IL1RAPL1: variants seen among roughly 807,000 people sequenced by gnomAD.
The protein encoded by IL1RAPL1 is interleukin 1 receptor accessory protein like 1.
Under a neutral mutation model 48.4 loss-of-function variants are expected in IL1RAPL1, and 3 were observed. That is an observed-to-expected ratio of 0.06 (90% confidence interval 0.03 to 0.16). The LOEUF (loss-of-function observed/expected upper bound fraction) is 0.16. IL1RAPL1 is among the 10% of genes least tolerant of loss of function. The pLI is 1.00. For missense variants in IL1RAPL1, 349 were observed against 530.6 expected (o/e 0.66, Z 3.36); for synonymous variants, 185 against 187.7 (o/e 0.99, Z 0.12).
chrX:29,200,600 A>G lies in IL1RAPL1; in HGVS notation c.83-82338A>G, dbSNP rs368965890. ...TACTCCATTTTTTCCCAATAAAATA[A>G]TGTTTTATCATAAATTCAGCATGTG... On this transcript the variant is annotated intron_variant, in intron 2 of 10. Coordinates refer to ENST00000378993, the MANE Select transcript of IL1RAPL1 (RefSeq NM_014271.4). Among the ~76,000 whole-genome samples the G allele has an allele frequency of 2.7e-5, 3 of 111,509 alleles. No homozygotes were observed. The East Asian group carries it at 8.4e-4, about 31-fold the overall frequency.
At chrX:29,792,751 C>T (rs1393315147) in intron 6 of IL1RAPL1, among the ~76,000 whole-genome samples, 1 of 110,506 alleles carries the variant, frequency 9.0e-6, no homozygotes, top group African/African-American at 3.3e-5. Flanking sequence ...TTTAAACATC[C>T]CATTTAATCA....
chrX:28,922,657 A>G (rs1255981078), intron 2 of IL1RAPL1, among the ~76,000 whole-genome samples: 1 of 111,964 alleles, frequency 8.9e-6, no homozygotes, highest in African/African-American at 3.2e-5. Flanking sequence ...GCACCCTAAA[A>G]TTTCAGTAGC....
intron 6 of IL1RAPL1, among the ~76,000 whole-genome samples, chrX:29,717,140 G>C (rs908690445): frequency 3.7e-5 from 4 of 108,935 alleles, no homozygotes; most frequent in African/African-American, 1.3e-4. Context: ...CATACCTACT[G>C]AGAATAAATG....
At chrX:29,003,854 G>T (rs147829092) in intron 2 of IL1RAPL1, among the ~76,000 whole-genome samples, 2,023 of 112,280 alleles carry the variant, frequency 0.018, 42 homozygotes, top group African/African-American at 0.063. Context: ...AGAAATAGTT[G>T]ATTTAGGCTG....
At chrX:29,123,698 T>A (rs1371534016) in intron 2 of IL1RAPL1, among the ~76,000 whole-genome samples, 1 of 111,276 alleles carries the variant, frequency 9.0e-6, no homozygotes, top group Admixed American at 9.6e-5. Context: ...TATTTAAAAA[T>A]TTTTTGAGAT....
intron 5 of IL1RAPL1, among the ~76,000 whole-genome samples, chrX:29,634,182 T>A (rs1334217539): frequency 8.9e-6 from 1 of 111,864 alleles, no homozygotes; most frequent in Non-Finnish European, 1.9e-5. Context: ...ACTCAGGCAG[T>A]CTCAGGATCT....
intron 3 of IL1RAPL1, among the ~76,000 whole-genome samples, chrX:29,322,097 T>C (rs899673862): frequency 9.0e-6 from 1 of 111,426 alleles, no homozygotes; most frequent in Non-Finnish European, 1.9e-5. Context: ...GCCAAGTTCA[T>C]GGAGTTGCTT....
intron 2 of IL1RAPL1, among the ~76,000 whole-genome samples, chrX:28,988,314 C>T (rs965425789): frequency 8.9e-6 from 1 of 111,857 alleles, no homozygotes; most frequent in Non-Finnish European, 1.9e-5. Flanking sequence ...ATTCATCCTC[C>T]ATTCATTTGT....
At chrX:28,795,917 A>G (rs762474215) in intron 2 of IL1RAPL1, among the ~76,000 whole-genome samples, 27 of 111,403 alleles carry the variant, frequency 2.4e-4, no homozygotes, top group Non-Finnish European at 5.1e-4. Context: ...TGATAAAGAC[A>G]TACCTGAGAC....
intron 1 of IL1RAPL1, among the ~76,000 whole-genome samples, chrX:28,658,536 CT>C (rs763460152): frequency 3.1e-3 from 319 of 101,543 alleles, no homozygotes; most frequent in Middle Eastern, 5.0e-3. Context: ...TAGTTTTTGT[CT>C]TTTTTTTTTT....
chrX:29,771,634 A>G (rs1015035118), intron 6 of IL1RAPL1, among the ~76,000 whole-genome samples: 1 of 111,857 alleles, frequency 8.9e-6, no homozygotes, highest in Non-Finnish European at 1.9e-5. Flanking sequence ...TCTACCATCA[A>G]TTCCCACTAT....
chrX:29,603,248 A>G (rs1046246393), intron 5 of IL1RAPL1, among the ~76,000 whole-genome samples: 3 of 101,337 alleles, frequency 3.0e-5, no homozygotes, highest in African/African-American at 1.1e-4. Flanking sequence ...CCTGGGTGAC[A>G]AAGTGAGACT....
At chrX:29,108,548 T>C (rs753092554) in intron 2 of IL1RAPL1, among the ~76,000 whole-genome samples, 4 of 110,035 alleles carry the variant, frequency 3.6e-5, no homozygotes, top group Non-Finnish European at 5.7e-5. Context: ...ATTACAGGCA[T>C]GCGCCACCAT....
chrX:29,584,742 A>G (rs1923099969), intron 5 of IL1RAPL1, among the ~76,000 whole-genome samples: 1 of 111,064 alleles, frequency 9.0e-6, no homozygotes, highest in Non-Finnish European at 1.9e-5. Context: ...TTTTGTTGAG[A>G]TGGGGTCTCA....
rs1289164138 is a variant in IL1RAPL1, at chrX:29,669,214, A to G, written c.778+710A>G. On this transcript the variant is annotated intron_variant, in intron 6 of 10. Transcript: ENST00000378993. Reference sequence around the variant, plus strand: ...TAAATATATACATAGCAATTCTGTTATATTCTCTTAGGTCTTATTTTATTT... The same window carrying G: ...TAAATATATACATAGCAATTCTGTTGTATTCTCTTAGGTCTTATTTTATTT... Among the ~76,000 whole-genome samples, 7 of 111,738 alleles carry G rather than the reference A, an allele frequency of 6.3e-5. No individual in the cohort carries two copies. In the Admixed American group the frequency reaches 6.7e-4, roughly 11 times the overall value.
chrX:29,034,523 G>A (rs1035655431), intron 2 of IL1RAPL1, among the ~76,000 whole-genome samples: 6 of 112,032 alleles, frequency 5.4e-5, no homozygotes, highest in African/African-American at 1.9e-4. Context: ...CTCTTAGTTG[G>A]TTCTGAATCA....
At chrX:28,846,028 A>T (rs1238293030) in intron 2 of IL1RAPL1, among the ~76,000 whole-genome samples, 4 of 111,974 alleles carry the variant, frequency 3.6e-5, no homozygotes, top group Non-Finnish European at 7.5e-5. Context: ...CCACCATTAT[A>T]GTATCATATG....
rs376127811 is a variant in IL1RAPL1, at chrX:29,688,578, T to C, written c.778+20074T>C. On this transcript the variant is annotated intron_variant, in intron 6 of 10. Coordinates refer to ENST00000378993, the MANE Select transcript of IL1RAPL1 (RefSeq NM_014271.4). ...AGTTGTAAAACATGGTTATATCTTT[T>C]GTGGGGGTGAGGCGGGCACGATTGA... Among the ~76,000 whole-genome samples, 6 of 111,838 alleles carry C rather than the reference T, an allele frequency of 5.4e-5. No homozygotes were observed. In the East Asian group the frequency reaches 1.1e-3, roughly 21 times the overall value.
At chrX:29,654,671 C>CAT (rs1352570895) in intron 5 of IL1RAPL1, among the ~76,000 whole-genome samples, 1 of 111,623 alleles carries the variant, frequency 9.0e-6, no homozygotes, top group Admixed American at 9.5e-5. Flanking sequence ...ATGGGAGCTA[C>CAT]AATTCAAGAT....
Sources: allele counts gnomAD v4.1 joint callset (sites outside exome capture counted in the v4.1 genomes callset), GRCh38; gene constraint gnomAD v4.1.1; transcripts MANE v1.5; gene names NCBI Gene and HGNC (gene_info 2026-07-23, HGNC 2026-07-21).